The following LATS1 variants were observed in gnomAD, a reference collection of about 807,000 sequenced individuals.
LATS1 encodes the protein large tumor suppressor kinase 1, also known as serine/threonine-protein kinase LATS1.
In LATS1, 25 loss-of-function variants were observed where a neutral mutation model predicts 106.6. The observed-to-expected ratio is 0.23, with a 90% CI of 0.17 to 0.33. LATS1 has a LOEUF of 0.33. Ranked by LOEUF, LATS1 falls within the 10% of genes least tolerant of loss-of-function variation. LATS1 has a pLI of 1.00. For synonymous variants in LATS1, 465 were observed against 455.6 expected, an observed-to-expected ratio of 1.02 and a Z score of -0.26; for missense variants, 1,040 against 1,382.6, an observed-to-expected ratio of 0.75 and a Z score of 3.93.
intron 2 of LATS1, among the ~76,000 whole-genome samples, chr6:149,698,704 C>A (rs1783256312): frequency 6.6e-6 from 1 of 151,978 alleles, no homozygotes; most frequent in Non-Finnish European, 1.5e-5. Flanking sequence ...CAAGCATGTG[C>A]CACTAGGCCC....
chr6:149,683,624 T>C lies in LATS1; in HGVS notation c.1465A>G (p.Ile489Val), dbSNP rs765126949. The change falls in exon 4 of 8, where the codon ATT becomes GTT. Residue 489 changes from isoleucine (I) to valine (V), a missense_variant. By Grantham distance (29) the Ile-to-Val change is conservative. Around this residue, in one of 7 missense-constraint regions of LATS1, gnomAD observed 624 missense variants for 714.8 expected, o/e 0.87. Transcript: ENST00000543571. ...SQPSATTVTA[I>V]TPAPIQQPVK... Reference sequence around the variant, plus strand: ...GGCTGTTGAATAGGAGCTGGTGTAATTGCAGTGACTGTTGTAGCAGAAGGC... The same window carrying C: ...GGCTGTTGAATAGGAGCTGGTGTAACTGCAGTGACTGTTGTAGCAGAAGGC... The C allele has an allele frequency of 1.5e-5, 24 of 1,614,108 alleles. No individual in the cohort carries two copies. The highest frequency in any genetic ancestry group is 1.9e-5 in the Non-Finnish European group (22 of 1,180,054).
chr6:149,673,678 C>CTTT (rs146560879), intron 7 of LATS1, among the ~76,000 whole-genome samples: 1 of 142,936 alleles, frequency 7.0e-6, no homozygotes, highest in Non-Finnish European at 1.5e-5. Flanking sequence ...CTTTTTTTTC[C>CTTT]TTTTTTTTTT....
At chr6:149,707,970 C>T (rs568405872) in intron 1 of LATS1, among the ~76,000 whole-genome samples, 115 of 151,902 alleles carry the variant, frequency 7.6e-4, no homozygotes, top group Admixed American at 1.2e-3. Flanking sequence ...CTTGGCCTTT[C>T]TCTTTACTTT....
chr6:149,708,514 C>G (rs1010327967), intron 1 of LATS1, among the ~76,000 whole-genome samples: 1 of 152,026 alleles, frequency 6.6e-6, no homozygotes, highest in Non-Finnish European at 1.5e-5. Context: ...TAGCCAATTG[C>G]TTTTGGTAAA....
At chr6:149,668,163 C>T (rs1345612709) in intron 7 of LATS1, among the ~76,000 whole-genome samples, 4 of 152,180 alleles carry the variant, frequency 2.6e-5, no homozygotes, top group Non-Finnish European at 4.4e-5. Flanking sequence ...AGGTGATCCA[C>T]CTGCCTTGGC....
rs1782977796 is a variant in LATS1 at position 149,695,022 on chromosome 6, T to C, written c.496+52A>G. 4.9e-6 allele frequency: 7 copies of C among 1,426,028 alleles called. No homozygotes were observed. In the South Asian group the frequency reaches 9.0e-5, roughly 18 times the overall value. 88.3% of individuals were successfully genotyped at this position (1,426,028 alleles called of 1,614,324 possible). On this transcript the variant is annotated intron_variant, in intron 3 of 7. Coordinates refer to ENST00000543571, the MANE Select transcript of LATS1 (RefSeq NM_004690.4). The stretch of plus-strand genomic sequence containing the variant: ...AAGATTTGATAGACTTCAGTATTTT[T>C]AAACTACACAGTAAAAGAAGAGATG...
chr6:149,682,925 G>A, intron 4 of LATS1, 154 bp downstream of exon 4: 1 of 616,540 alleles, frequency 1.6e-6, no homozygotes, highest in Non-Finnish European at 2.6e-6. Flanking sequence ...ACAATCAAAA[G>A]TACTTTAATA....
intron 5 of LATS1, among the ~76,000 whole-genome samples, chr6:149,679,584 A>G (rs1781923946): frequency 6.6e-6 from 1 of 151,888 alleles, no homozygotes; most frequent in Admixed American, 6.6e-5. Context: ...TTTGTCTGGC[A>G]TATTTTCAAA....
chr6:149,680,480 A>G, intron 4 of LATS1, 23 bp from the exon 5 acceptor site: 1 of 1,474,496 alleles, frequency 6.8e-7, no homozygotes, highest in Non-Finnish European at 9.2e-7. Context: ...ACTAGATGTT[A>G]AATAAGAATT....
At chr6:149,692,769 G>A (rs1355435633) in intron 3 of LATS1, among the ~76,000 whole-genome samples, 8 of 151,676 alleles carry the variant, frequency 5.3e-5, no homozygotes, top group Admixed American at 3.9e-4. Context: ...CCGCCTCCTG[G>A]GTTCAAACAA....
At chr6:149,694,484 A>G (rs1191970071) in intron 3 of LATS1, among the ~76,000 whole-genome samples, 1 of 152,194 alleles carries the variant, frequency 6.6e-6, no homozygotes, top group African/African-American at 2.4e-5. Context: ...AAATAAGTCT[A>G]TTTTAATGTG....
At chr6:149,668,937 AG>A (rs1781304362) in intron 7 of LATS1, among the ~76,000 whole-genome samples, 3 of 151,836 alleles carry the variant, frequency 2.0e-5, no homozygotes, top group South Asian at 4.2e-4. Flanking sequence ...CCCCGCCCCA[AG>A]TAGCTGGGAC....
intron 2 of LATS1, 127 bp from the exon 3 acceptor site, chr6:149,695,348 T>C: frequency 1.7e-6 from 1 of 600,778 alleles, no homozygotes; most frequent in South Asian, 2.5e-5. Context: ...CAAACCATGA[T>C]ATTAATGTTC....
chr6:149,707,900 A>G (rs940257186), intron 1 of LATS1, among the ~76,000 whole-genome samples: 2 of 152,080 alleles, frequency 1.3e-5, no homozygotes, highest in Admixed American at 6.6e-5. Flanking sequence ...TTTTAGAGAC[A>G]GGGGCTCACC....
intron 2 of LATS1, chr6:149,697,055 T>C (rs770749691): frequency 8.5e-6 from 7 of 825,028 alleles, no homozygotes; most frequent in Middle Eastern, 5.3e-4. Context: ...AGAAAGTATG[T>C]TGACATGCAT....
rs1252530034 is a variant in LATS1, at chr6:149,683,902, G to A, written c.1187C>T (p.Ala396Val). 2 of 1,614,068 alleles carry A rather than the reference G, an allele frequency of 1.2e-6. No individual in the cohort carries two copies. Among genetic ancestry groups the A allele is most frequent in the Non-Finnish European group, 1.7e-6 (2 of 1,180,034 alleles). ...ACTTCCATTTGTATATGACGAAGGA[G>A]CAGCAGATCCCCCTGTTTGTAAAGC... ...PSALQTGGSA[A>V]PSSYTNGSIP... The change falls in exon 4 of 8, where the codon GCT (alanine) becomes GTT (valine). Residue 396 changes from alanine to valine, a missense_variant. By Grantham distance (64) the Ala-to-Val change is moderately conservative. This residue lies in a region of LATS1 where 624 missense variants were observed against 714.8 expected (regional missense o/e 0.87). Coordinates refer to ENST00000543571, the MANE Select transcript of LATS1 (RefSeq NM_004690.4).
At chr6:149,697,737 T>C (rs1168137998) in intron 2 of LATS1, among the ~76,000 whole-genome samples, 1 of 152,060 alleles carries the variant, frequency 6.6e-6, no homozygotes, top group Non-Finnish European at 1.5e-5. Flanking sequence ...TCATTTTTCT[T>C]TTCTTTTTTT....
At chr6:149,703,073 AAGTGATT>A (rs1562352317) in intron 1 of LATS1, among the ~76,000 whole-genome samples, 1 of 151,538 alleles carries the variant, frequency 6.6e-6, no homozygotes, top group East Asian at 1.9e-4. Flanking sequence ...TCTCAGGTTC[AAGTGATT>A]CTCATGCCTC....
chr6:149,696,296 C>T (rs560369584), intron 2 of LATS1, among the ~76,000 whole-genome samples: 11 of 148,354 alleles, frequency 7.4e-5, no homozygotes, highest in Admixed American at 4.0e-4. Context: ...GGGCTGAGTG[C>T]GGTGGCTCAC....
Sources: allele counts gnomAD v4.1 joint callset (sites outside exome capture counted in the v4.1 genomes callset), GRCh38; gene constraint gnomAD v4.1.1; regional missense constraint gnomAD v4.1.1; transcripts MANE v1.5; gene names NCBI Gene and HGNC (gene_info 2026-07-23, HGNC 2026-07-21).